NPAS3: variants seen among roughly 807,000 people sequenced by gnomAD.
NPAS3 encodes the protein neuronal PAS domain-containing protein 3.
In NPAS3, 14 loss-of-function variants were observed where a neutral mutation model predicts 73.1. That is an observed-to-expected ratio of 0.19 (90% CI 0.13 to 0.30). The LOEUF is 0.30. Ranked by LOEUF, NPAS3 falls within the 10% of genes least tolerant of loss-of-function variation. The probability of loss-of-function intolerance (pLI) is 1.00; values close to 1 mark genes in which losing one functional copy is unlikely to be tolerated. For synonymous variants in NPAS3, 620 were observed against 541.5 expected (o/e 1.14, Z -2.01); for missense variants, 1,096 against 1,250.0 (o/e 0.88, Z 1.86).
rs143625413 is a variant in NPAS3 at position 33,008,630 on chromosome 14, G to A, written c.51-47275G>A. On this transcript the variant is annotated intron_variant, in intron 1 of 11. Coordinates refer to ENST00000356141, the Ensembl canonical transcript of NPAS3. Reference sequence around the variant, plus strand: ...AGGACTTATAATTTTTAAGTTTAAGGTTGTAGCACATGGAAGTTATAGTCT... The same window carrying A: ...AGGACTTATAATTTTTAAGTTTAAGATTGTAGCACATGGAAGTTATAGTCT... Among the ~76,000 whole-genome samples the A allele has an allele frequency of 6.8e-4, 104 of 152,300 alleles. 1 individual carries two copies. Among genetic ancestry groups the A allele is most frequent in the African/African-American group, 2.0e-3 (84 of 41,562 alleles).
intron 2 of NPAS3, among the ~76,000 whole-genome samples, chr14:33,095,311 T>C (rs1252124229): frequency 5.3e-5 from 8 of 152,224 alleles, no homozygotes; most frequent in Admixed American, 2.6e-4. Context: ...AGGCAGCATG[T>C]ACTTGTTAAT....
chr14:33,421,744 T>C (rs966127656), intron 4 of NPAS3, among the ~76,000 whole-genome samples: 1 of 151,946 alleles, frequency 6.6e-6, no homozygotes, highest in Non-Finnish European at 1.5e-5. Flanking sequence ...GAACTTACTT[T>C]TTATAGTCAA....
At chr14:33,298,791 T>A (rs2042409624) in intron 3 of NPAS3, among the ~76,000 whole-genome samples, 1 of 152,214 alleles carries the variant, frequency 6.6e-6, no homozygotes, top group South Asian at 2.1e-4. Flanking sequence ...CAATAAATAT[T>A]ATTATAATCT....
At chr14:33,358,486 CA>C (rs2045443873) in intron 3 of NPAS3, among the ~76,000 whole-genome samples, 1 of 152,100 alleles carries the variant, frequency 6.6e-6, no homozygotes, top group Non-Finnish European at 1.5e-5. Context: ...CATGTCTGAT[CA>C]GTAGATCCCA....
At chr14:33,247,946 G>T (rs1323232258) in intron 3 of NPAS3, among the ~76,000 whole-genome samples, 1 of 152,194 alleles carries the variant, frequency 6.6e-6, no homozygotes, top group African/African-American at 2.4e-5. Context: ...GCAGAATCCA[G>T]AGTGTTTAAA....
At chr14:33,353,207 T>C (rs891788368) in intron 3 of NPAS3, among the ~76,000 whole-genome samples, 14 of 151,974 alleles carry the variant, frequency 9.2e-5, no homozygotes, top group African/African-American at 3.4e-4. Flanking sequence ...CTGCCACATA[T>C]AGCAGTCTTG....
intron 1 of NPAS3, among the ~76,000 whole-genome samples, chr14:32,997,529 T>C (rs2038628497): frequency 6.6e-6 from 1 of 152,070 alleles, no homozygotes; most frequent in South Asian, 2.1e-4. Context: ...GTCTTTCCTG[T>C]GCTGTTCTTG....
At chr14:33,129,389 G>C (rs992498548) in intron 2 of NPAS3, among the ~76,000 whole-genome samples, 3 of 152,104 alleles carry the variant, frequency 2.0e-5, no homozygotes, top group African/African-American at 4.8e-5. Flanking sequence ...AATATTGATA[G>C]CATATCCAAA....
intron 3 of NPAS3, among the ~76,000 whole-genome samples, chr14:33,287,569 T>C (rs1373231023): frequency 6.6e-6 from 1 of 152,180 alleles, no homozygotes. Flanking sequence ...GTTAAATTAC[T>C]AATTCTCTCC....
upstream of NPAS3, among the ~76,000 whole-genome samples, chr14:32,936,420 C>T (rs961905012): frequency 6.6e-6 from 1 of 151,782 alleles, no homozygotes; most frequent in Non-Finnish European, 1.5e-5. Flanking sequence ...TTACAGGAAT[C>T]TTTAATACAA....
chr14:33,446,262 G>C (rs1431950425), intron 4 of NPAS3, among the ~76,000 whole-genome samples: 1 of 143,950 alleles, frequency 6.9e-6, no homozygotes, highest in African/African-American at 2.6e-5. Context: ...TGCAAGCTCC[G>C]CTTCCCGGGT....
At chr14:33,018,858 G>A (rs760510545) in intron 1 of NPAS3, among the ~76,000 whole-genome samples, 1 of 151,994 alleles carries the variant, frequency 6.6e-6, no homozygotes, top group Non-Finnish European at 1.5e-5. Flanking sequence ...GAGTTAAGAA[G>A]GTGACATTTC....
At chr14:33,335,895 G>A (rs1594720833) in intron 3 of NPAS3, among the ~76,000 whole-genome samples, 1 of 152,282 alleles carries the variant, frequency 6.6e-6, no homozygotes, top group African/African-American at 2.4e-5. Context: ...TAATACTGCT[G>A]TAAACATTCA....
intron 2 of NPAS3, among the ~76,000 whole-genome samples, chr14:33,153,422 T>C (rs1461956456): frequency 1.3e-5 from 2 of 152,142 alleles, no homozygotes; most frequent in Non-Finnish European, 2.9e-5. Flanking sequence ...TTGGGCTGAT[T>C]AGCTTCCCCA....
intron 7 of NPAS3, among the ~76,000 whole-genome samples, chr14:33,767,448 G>C (rs1241710697): frequency 6.6e-6 from 1 of 151,894 alleles, no homozygotes; most frequent in Non-Finnish European, 1.5e-5. Context: ...GTGATTTGAC[G>C]ATCTGTATGC....
rs182061659 is a variant in NPAS3, at chr14:32,990,115, T to G, written c.50+50749T>G. 1.1e-3 allele frequency among the ~76,000 whole-genome samples: 171 copies of G among 152,274 alleles called. 4 individuals are homozygous for G. The highest frequency in any genetic ancestry group is 2.9e-4 in the Non-Finnish European group (20 of 68,018). Reference sequence around the variant, plus strand: ...GAATGTAGGAAAAGGAGCAAATATGTGCCAGAAGATCATGAGTCCTATTTT... The same window carrying G: ...GAATGTAGGAAAAGGAGCAAATATGGGCCAGAAGATCATGAGTCCTATTTT... On this transcript the variant is annotated intron_variant, in intron 1 of 11. Transcript: ENST00000356141.
intron 7 of NPAS3, among the ~76,000 whole-genome samples, chr14:33,767,143 C>A (rs2062489301): frequency 6.6e-6 from 1 of 152,090 alleles, no homozygotes; most frequent in African/African-American, 2.4e-5. Flanking sequence ...TTTTTTCAGG[C>A]CTTGTGCAAG....
At chr14:33,360,756 A>G (rs2045561279) in intron 3 of NPAS3, among the ~76,000 whole-genome samples, 1 of 152,184 alleles carries the variant, frequency 6.6e-6, no homozygotes, top group Non-Finnish European at 1.5e-5. Flanking sequence ...AGTCTCAGGT[A>G]TGTCAGGGAT....
intron 1 of NPAS3, among the ~76,000 whole-genome samples, chr14:33,048,080 G>A (rs1178314436): frequency 6.6e-6 from 1 of 152,162 alleles, no homozygotes; most frequent in Non-Finnish European, 1.5e-5. Flanking sequence ...TGAACTTGGG[G>A]TCAGAAGAGC....
Sources: gnomAD v4.1 joint callset for allele counts (sites outside exome capture counted in the v4.1 genomes callset) on GRCh38, gnomAD v4.1.1 for gene constraint, MANE v1.5 for transcripts, NCBI Gene and HGNC (gene_info 2026-07-23, HGNC 2026-07-21) for gene names.